Variants in CFAP410 observed in about 807,000 individuals in gnomAD.
CFAP410 encodes cilia and flagella associated protein 410, also known as cilia- and flagella-associated protein 410.
In CFAP410, 27 loss-of-function variants were observed where a neutral mutation model predicts 25.7. The observed-to-expected ratio is 1.05, with a 90% CI of 0.77 to 1.45. The LOEUF is 1.45. Among genes scored for constraint, CFAP410 ranks in the 40% most tolerant of loss-of-function variants. The probability of loss-of-function intolerance (pLI) is 0.00; values close to 1 mark genes in which losing one functional copy is unlikely to be tolerated. For missense variants in CFAP410, 428 were observed against 354.1 expected (o/e 1.21, Z -1.67); for synonymous variants, 178 against 158.4 (o/e 1.12, Z -0.93).
chr21:44,330,934 A>T lies in CFAP410; in HGVS notation c.546-15T>A, dbSNP rs1315642244. ...GGGCGCCGCTGCTGAGAGGGAGACA[A>T]AGGCGTGTGAGGGTCAGGGGGCTCG... On this transcript the variant is annotated splice_polypyrimidine_tract_variant and intron_variant, in intron 5 of 6. Transcript: ENST00000339818. The T allele has an allele frequency of 6.4e-7, 1 of 1,570,058 alleles. No individual in the cohort carries two copies. The highest frequency in any genetic ancestry group is 1.2e-5 in the South Asian group (1 of 86,174).
In CFAP410 at chr21:44,330,167, T is replaced by C. The variant is rs1326197578; in HGVS notation, c.*31A>G. ...GCTGGGGAAGACGCTGGGGTCCCCG[T>C]GGAGGCTGGAGCGGCGTTCAGGTCC... On this transcript the variant is annotated 3_prime_UTR_variant, in exon 7 of 7. Transcript: ENST00000339818. 12 of 1,543,846 alleles carry C rather than the reference T, an allele frequency of 7.8e-6. No homozygotes were observed. The highest frequency in any genetic ancestry group is 1.0e-5 in the Non-Finnish European group (12 of 1,150,608).
chr21:44,336,366 G>C (rs1366180774), intron 2 of CFAP410, among the ~76,000 whole-genome samples: 1 of 152,186 alleles, frequency 6.6e-6, no homozygotes, highest in East Asian at 1.9e-4. Context: ...TCAGGTAAGG[G>C]GACCCCAATG....
intron 4 of CFAP410, chr21:44,332,785 C>T (rs1328024820): frequency 9.1e-6 from 5 of 546,846 alleles, no homozygotes; most frequent in South Asian, 8.3e-5. Context: ...CCAGGTCCTG[C>T]GGTCGTTGGG....
chr21:44,337,952 A>G (rs988979943), intron 1 of CFAP410, among the ~76,000 whole-genome samples: 1 of 152,188 alleles, frequency 6.6e-6, no homozygotes, highest in African/African-American at 2.4e-5. Context: ...ACTCTTCCTC[A>G]TGGTCCCTGA....
In CFAP410 at chr21:44,330,813, C is replaced by T. The variant is rs774917924; in HGVS notation, c.642+10G>A. 59 of 1,589,550 alleles carry T rather than the reference C, an allele frequency of 3.7e-5. No homozygotes were observed. Among genetic ancestry groups the T allele is most frequent in the Admixed American group, 7.0e-5 (4 of 56,790 alleles). Reference sequence around the variant, plus strand: ...GAGGCAGCCGCGGCCCCTAGCGGCCCGCCACTCACCCTGCCCCTGTGGCTG... The same window carrying T: ...GAGGCAGCCGCGGCCCCTAGCGGCCTGCCACTCACCCTGCCCCTGTGGCTG... On this transcript the variant is annotated intron_variant, in intron 6 of 6. Coordinates refer to ENST00000339818, the MANE Select transcript of CFAP410 (RefSeq NM_004928.3).
At chr21:44,334,498 C>T (rs1191453969) in intron 3 of CFAP410, 3 of 326,124 alleles carry the variant, frequency 9.2e-6, no homozygotes, top group African/African-American at 2.4e-5. Context: ...CCCCCCTCAA[C>T]CTCTGGGCGG....
chr21:44,331,848 C>T lies in CFAP410; in HGVS notation c.540G>A (p.Glu180=), dbSNP rs1303034526. The stretch of plus-strand genomic sequence containing the variant: ...CCGCTGCCCTCCAGCCTCACGTTGC[C>T]TCCTCCTCGCTGTCCAGCGGGTCCC... ...TGRDPLDSEE[E]ATSGAQDERG... The change falls in exon 5 of 7, where the codon GAG becomes GAA. Residue 180 remains glutamate (E), a synonymous_variant. Transcript: ENST00000339818. 2.5e-6 allele frequency: 4 copies of T among 1,610,604 alleles called. No individual in the cohort carries two copies. Among genetic ancestry groups the T allele is most frequent in the Non-Finnish European group, 3.4e-6 (4 of 1,179,462 alleles).
At position 44,339,180 on chromosome 21, in the gene CFAP410, C is replaced by T. The variant is rs901789758; in HGVS notation, c.15G>A (p.Arg5=). 4.8e-6 allele frequency: 7 copies of T among 1,468,674 alleles called. No individual in the cohort carries two copies. Among genetic ancestry groups the T allele is most frequent in the African/African-American group, 2.9e-5 (2 of 67,968 alleles). The allele number at this position is 1,468,674 out of a possible 1,614,324, so 91.0% of individuals were successfully genotyped here. ...CCTTGGCCCGGGTCAGAACCATCTT[C>T]CGCGTCAGCTTCATGGCGGCCGCCC... is the stretch of plus-strand genomic sequence containing the variant. MKLT[R]KMVLTRAKAS... The change falls in exon 1 of 7, where the codon CGG becomes CGA. Residue 5 remains arginine (R), a synonymous_variant. Transcript: ENST00000339818.
chr21:44,335,444 C>T, intron 3 of CFAP410: 1 of 399,784 alleles, frequency 2.5e-6, no homozygotes, highest in Non-Finnish European at 4.5e-6. Flanking sequence ...GGCTCCACCA[C>T]CGACTGGCCC....
At chr21:44,336,075 G>T (rs1602086955) in intron 2 of CFAP410, among the ~76,000 whole-genome samples, 3 of 115,896 alleles carry the variant, frequency 2.6e-5, no homozygotes. Flanking sequence ...AGGGCCTGAG[G>T]GGAGCGGCCC....
intron 3 of CFAP410, chr21:44,335,520 G>T: frequency 1.7e-6 from 1 of 582,636 alleles, no homozygotes; most frequent in Non-Finnish European, 3.0e-6. Context: ...AGCAGGGCAG[G>T]CAGGGGACAG....
intron 2 of CFAP410, among the ~76,000 whole-genome samples, chr21:44,336,366 G>A (rs1366180774): frequency 2.0e-5 from 3 of 152,186 alleles, no homozygotes; most frequent in East Asian, 3.8e-4. Context: ...TCAGGTAAGG[G>A]GACCCCAATG....
Position 44,333,046 on chromosome 21 carries a change from C to G in CFAP410, c.360G>C (p.Lys120Asn), listed in dbSNP as rs745656075. The change falls in exon 4 of 7, where the codon AAG becomes AAC. Residue 120 changes from lysine to asparagine, a missense_variant. Transcript: ENST00000339818. ...GCGGCCACCTACCCTGGTTGTCCAG[C>G]TTCTGTAGGCGCGGCAGGGTGCGCA... ...TVLRTLPRLQKLDNQAVTEEE... is the reference protein window; with the variant it reads ...TVLRTLPRLQNLDNQAVTEEE... 6.3e-6 allele frequency: 10 copies of G among 1,593,110 alleles called. No homozygotes were observed. The highest frequency in any genetic ancestry group is 8.6e-6 in the Non-Finnish European group (10 of 1,165,952).
At position 44,335,974 on chromosome 21, in the gene CFAP410, A is replaced by C. The variant is rs75733226; in HGVS notation, c.97-170T>G. 1,266 of 565,706 alleles carry C rather than the reference A, an allele frequency of 2.2e-3. 2 individuals are homozygous for C. Among genetic ancestry groups the C allele is most frequent in the African/African-American group, 0.021 (1,047 of 49,180 alleles). 35.0% of individuals were successfully genotyped at this position (565,706 alleles called of 1,614,324 possible). On this transcript the variant is annotated intron_variant, in intron 2 of 6. Coordinates refer to ENST00000339818, the MANE Select transcript of CFAP410 (RefSeq NM_004928.3). ...GGGTGAATGCCCAGGGCCTGAGGGG[A>C]GCGGCCCTGCTCAGCCAGTGTGCCC...
chr21:44,334,413 C>G, intron 3 of CFAP410: 1 of 382,238 alleles, frequency 2.6e-6, no homozygotes, highest in South Asian at 1.9e-5. Context: ...GTAAGCCTTT[C>G]GGAGGCAGGC....
chr21:44,332,150 G>T (rs529300829), intron 4 of CFAP410, 136 bp from the exon 5 acceptor site: 1 of 669,344 alleles, frequency 1.5e-6, no homozygotes, highest in Non-Finnish European at 2.4e-6. Context: ...CACCTCCAGG[G>T]ACAACTCCCA....
At chr21:44,338,268 G>T (rs1282274500) in intron 1 of CFAP410, 2 of 1,284,050 alleles carry the variant, frequency 1.6e-6, no homozygotes, top group African/African-American at 3.1e-5. Context: ...GGGAGGAAGC[G>T]TCTGCTCTCG....
At chr21:44,334,708 G>A in intron 3 of CFAP410, 1 of 246,356 alleles carries the variant, frequency 4.1e-6, no homozygotes, top group Non-Finnish European at 8.1e-6. Flanking sequence ...AGATGGGAGG[G>A]CTGAGATTTG....
chr21:44,333,727 G>A, intron 3 of CFAP410: 1 of 293,808 alleles, frequency 3.4e-6, no homozygotes, highest in South Asian at 3.3e-5. Context: ...GGCAACACTG[G>A]GGATGGGCCT....
Sources: gnomAD v4.1 joint callset for allele counts (sites outside exome capture counted in the v4.1 genomes callset) on GRCh38, gnomAD v4.1.1 for gene constraint, MANE v1.5 for transcripts, NCBI Gene and HGNC (gene_info 2026-07-23, HGNC 2026-07-21) for gene names.